Variants in DYNC2I1 observed in about 807,000 individuals in gnomAD.
DYNC2I1 encodes dynein 2 intermediate chain 1, also known as cytoplasmic dynein 2 intermediate chain 1.
A neutral mutation model predicts 133.4 loss-of-function variants in DYNC2I1; 89 were observed. The observed-to-expected ratio is 0.67, with a 90% CI of 0.56 to 0.80. The LOEUF is 0.80. Ranked by LOEUF, DYNC2I1 falls within the 30% of genes least tolerant of loss-of-function variation. The pLI, the probability that DYNC2I1 is intolerant of heterozygous loss-of-function variation, is 0.00. For synonymous variants in DYNC2I1, 504 were observed against 484.3 expected, an observed-to-expected ratio of 1.04 and a Z score of -0.54; for missense variants, 1,291 against 1,314.5, an observed-to-expected ratio of 0.98 and a Z score of 0.28.
intron 8 of DYNC2I1, among the ~76,000 whole-genome samples, chr7:158,895,227 T>G (rs1246347839): frequency 2.0e-5 from 3 of 152,254 alleles, no homozygotes; most frequent in Non-Finnish European, 4.4e-5. Flanking sequence ...TCTCCATACC[T>G]AAAGTCATCT....
chr7:158,938,268 A>C (rs115285428), intron 23 of DYNC2I1, among the ~76,000 whole-genome samples: 546 of 152,364 alleles, frequency 3.6e-3, no homozygotes, highest in African/African-American at 0.013. Flanking sequence ...TTCATCTGGC[A>C]ACAGACATCT....
chr7:158,897,923 A>G (rs1392434065), intron 8 of DYNC2I1, among the ~76,000 whole-genome samples: 1 of 152,220 alleles, frequency 6.6e-6, no homozygotes, highest in Non-Finnish European at 1.5e-5. Context: ...TTTGCATTCC[A>G]CAAATTCTGA....
rs1272655253 is a variant in DYNC2I1, at chr7:158,945,359, C to T, written c.3003-222C>T. Among the ~76,000 whole-genome samples, 1 of 152,214 alleles carries T rather than the reference C, an allele frequency of 6.6e-6. No individual in the cohort carries two copies. Among genetic ancestry groups the T allele is most frequent in the East Asian group, 1.9e-4 (1 of 5,202 alleles). On this transcript the variant is annotated intron_variant, in intron 24 of 24. Transcript: ENST00000407559. This position sits in a 1 kb window ranked among gnomAD's most constrained non-coding sequence, Gnocchi z 4.1. ...GCCTGAGGAGACAGCAGCACGTCCT[C>T]ATCACTTACCTCTGCGAAGTTCCAT...
intron 1 of DYNC2I1, among the ~76,000 whole-genome samples, chr7:158,866,656 G>C (rs976070264): frequency 6.6e-6 from 1 of 151,794 alleles, no homozygotes. Flanking sequence ...AGGCCGAGGT[G>C]GGGGGCTCAC....
chr7:158,946,471 G>A (rs1051351275), downstream of DYNC2I1, among the ~76,000 whole-genome samples: 15 of 152,244 alleles, frequency 9.9e-5, no homozygotes, highest in African/African-American at 3.1e-4. Flanking sequence ...AAGGCGCCCC[G>A]TGTTTCGTGT....
the DYNC2I1 span, among the ~76,000 whole-genome samples, chr7:158,839,888 T>C: frequency 6.6e-6 from 1 of 152,030 alleles, no homozygotes; most frequent in African/African-American, 2.4e-5. Context: ...CTCCATCATC[T>C]TGTCTCGCGG....
intron 2 of DYNC2I1, 151 bp from the exon 3 acceptor site, chr7:158,870,991 G>C: frequency 1.1e-6 from 1 of 891,988 alleles, no homozygotes; most frequent in Non-Finnish European, 1.7e-6. Flanking sequence ...GCTTTGGCCC[G>C]TCTGGGATTG....
chr7:158,845,690 G>T, the DYNC2I1 span, among the ~76,000 whole-genome samples: 1 of 152,130 alleles, frequency 6.6e-6, no homozygotes, highest in Non-Finnish European at 1.5e-5. Flanking sequence ...CTATAAAGAT[G>T]GTTGACAGGG....
chr7:158,929,835 G>A (rs775025947), intron 20 of DYNC2I1, among the ~76,000 whole-genome samples: 3 of 152,238 alleles, frequency 2.0e-5, no homozygotes, highest in Admixed American at 1.3e-4. Flanking sequence ...GTGGGTGGCC[G>A]AGGAGCCAGC....
chr7:158,848,966 C>T, the DYNC2I1 span, among the ~76,000 whole-genome samples: 1 of 151,862 alleles, frequency 6.6e-6, no homozygotes. Flanking sequence ...CCCTGCTGTT[C>T]CCCCAGCATT....
chr7:158,874,239 A>G (rs1354808986), intron 3 of DYNC2I1, among the ~76,000 whole-genome samples: 2 of 141,946 alleles, frequency 1.4e-5, no homozygotes, highest in Non-Finnish European at 3.0e-5. Flanking sequence ...ATGGACTCTC[A>G]CTCTGTTCCC....
At chr7:158,857,545 T>C (rs1004669927) in intron 1 of DYNC2I1, among the ~76,000 whole-genome samples, 1 of 148,754 alleles carries the variant, frequency 6.7e-6, no homozygotes, top group African/African-American at 2.5e-5. Flanking sequence ...TTTTTGTTTT[T>C]TTTTTTTTTT....
intron 11 of DYNC2I1, 34 bp from the exon 12 acceptor site, chr7:158,911,515 GT>G: frequency 1.2e-6 from 2 of 1,605,630 alleles, no homozygotes; most frequent in Non-Finnish European, 1.7e-6. Context: ...TATTATTCGA[GT>G]TAATTTTTGT....
At chr7:158,858,824 C>CCCTCCCCCCTCCCCTTTCCCCTCCCTT (rs1841570511) in intron 1 of DYNC2I1, among the ~76,000 whole-genome samples, 1 of 78,572 alleles carries the variant, frequency 1.3e-5, no homozygotes, top group Non-Finnish European at 2.4e-5. Flanking sequence ...CTTTCCTCTC[C>CCCTCCCCCCTCCCCTTTCCCCTCCCTT]CCTCCCCCCT....
chr7:158,874,523 T>C (rs759729583), intron 3 of DYNC2I1, among the ~76,000 whole-genome samples: 1 of 152,240 alleles, frequency 6.6e-6, no homozygotes, highest in Non-Finnish European at 1.5e-5. Flanking sequence ...TTCAGTGTGG[T>C]GTTGAAAGGA....
At chr7:158,842,703 A>C in the DYNC2I1 span, among the ~76,000 whole-genome samples, 4 of 152,248 alleles carry the variant, frequency 2.6e-5, no homozygotes, top group South Asian at 2.1e-4. Flanking sequence ...CTGACACCCG[A>C]ATGCAGGAAA....
chr7:158,944,238 C>T (rs1851664771), intron 24 of DYNC2I1, among the ~76,000 whole-genome samples: 1 of 152,076 alleles, frequency 6.6e-6, no homozygotes, highest in African/African-American at 2.4e-5. Context: ...CTTGTGGTGG[C>T]TCAGTGTTGG....
intron 5 of DYNC2I1, among the ~76,000 whole-genome samples, chr7:158,882,899 A>T (rs1844188233): frequency 6.6e-6 from 1 of 151,640 alleles, no homozygotes; most frequent in Non-Finnish European, 1.5e-5. Flanking sequence ...AAAGGAAAAG[A>T]AATGAACAGA....
At chr7:158,939,811 T>C (rs1016267770) in intron 23 of DYNC2I1, among the ~76,000 whole-genome samples, 3 of 151,930 alleles carry the variant, frequency 2.0e-5, no homozygotes, top group Non-Finnish European at 4.4e-5. Flanking sequence ...AGAGCAAGAG[T>C]GGCTATACTC....
Sources: allele counts gnomAD v4.1 joint callset (sites outside exome capture counted in the v4.1 genomes callset), GRCh38; gene constraint gnomAD v4.1.1; non-coding constraint Gnocchi (gnomAD v3.1); transcripts MANE v1.5; gene names NCBI Gene and HGNC (gene_info 2026-07-23, HGNC 2026-07-21).